The following BIN2 variants were observed in gnomAD, a reference collection of about 807,000 sequenced individuals.
The protein encoded by BIN2 is bridging integrator 2.
In BIN2, 43 loss-of-function variants were observed where a neutral mutation model predicts 67.9. That is an observed-to-expected ratio of 0.63 (90% CI 0.50 to 0.82). The LOEUF (loss-of-function observed/expected upper bound fraction) is 0.82. Among genes scored for constraint, BIN2 ranks in the 40% least tolerant of loss-of-function variants. BIN2 has a pLI of 0.00. For missense variants in BIN2, 581 were observed against 671.6 expected, an observed-to-expected ratio of 0.87 and a Z score of 1.49; for synonymous variants, 244 against 246.8, an observed-to-expected ratio of 0.99 and a Z score of 0.11.
At chr12:51,294,885 A>C (rs1467796578) in intron 9 of BIN2, among the ~76,000 whole-genome samples, 1 of 152,098 alleles carries the variant, frequency 6.6e-6, no homozygotes, top group Non-Finnish European at 1.5e-5. Flanking sequence ...GTACATGGCT[A>C]TTTGTTGTAT....
At chr12:51,298,159 G>A (rs941542181) in intron 7 of BIN2, among the ~76,000 whole-genome samples, 5 of 152,082 alleles carry the variant, frequency 3.3e-5, no homozygotes, top group African/African-American at 1.2e-4. Flanking sequence ...GGATCACAAG[G>A]TCAGGAGATT....
At chr12:51,282,117 C>T (rs1242228376) in intron 12 of BIN2, among the ~76,000 whole-genome samples, 1 of 152,154 alleles carries the variant, frequency 6.6e-6, no homozygotes, top group Non-Finnish European at 1.5e-5. Context: ...GAACCAATTT[C>T]ATGGTCATCC....
In BIN2 at chr12:51,295,576, A is replaced by AAG. The variant is rs1945531318; in HGVS notation, c.761+219_761+220insCT. Among the ~76,000 whole-genome samples, 4 of 18,404 alleles carry AAG rather than the reference A, an allele frequency of 2.2e-4. 1 individual carries two copies. The highest frequency in any genetic ancestry group is 8.9e-4 in the African/African-American group (4 of 4,472). The allele number at this position is 18,404 out of a possible 152,430, so 12.1% of individuals were successfully genotyped here. On this transcript the variant is annotated intron_variant, in intron 9 of 12. Transcript: ENST00000615107. The stretch of plus-strand genomic sequence containing the variant: ...AGACTCCGTCTCAAAAAAAAAAAAA[A>AAG]AATATATATATATATATATATATAT...
chr12:51,307,688 C>T (rs1006349321), intron 2 of BIN2, among the ~76,000 whole-genome samples: 4 of 150,070 alleles, frequency 2.7e-5, no homozygotes, highest in East Asian at 2.0e-4. Flanking sequence ...CCAACCTGGG[C>T]GACAAGAGAG....
chr12:51,288,112 G>A lies in BIN2; in HGVS notation c.1592C>T (p.Ser531Leu), dbSNP rs1376176341. Residue 531 changes from serine (S) to leucine (L), a missense_variant, in exon 11 of 13, where the codon TCG (serine) becomes TTG (leucine). Coordinates refer to ENST00000615107, the MANE Select transcript of BIN2 (RefSeq NM_016293.4). ...KDNKLISANS[S>L]EGQDQLQVSM... ...GATGACTTAGGCTTTTAGTACCTCCGAGGAGTTAGCTGAGATAAGCTTATT... is the reference window on the plus strand; with the variant it reads ...GATGACTTAGGCTTTTAGTACCTCCAAGGAGTTAGCTGAGATAAGCTTATT... The A allele has an allele frequency of 6.8e-6, 11 of 1,611,730 alleles. No homozygotes were observed. Among genetic ancestry groups the A allele is most frequent in the Non-Finnish European group, 9.3e-6 (11 of 1,177,942 alleles).
chr12:51,315,724 T>C (rs894294455), intron 1 of BIN2, among the ~76,000 whole-genome samples: 3 of 152,178 alleles, frequency 2.0e-5, no homozygotes, highest in African/African-American at 4.8e-5. Flanking sequence ...CCCGATATAA[T>C]GCATTTGAAA....
chr12:51,282,188 A>G (rs1945132717), intron 12 of BIN2, among the ~76,000 whole-genome samples: 1 of 152,130 alleles, frequency 6.6e-6, no homozygotes, highest in Non-Finnish European at 1.5e-5. Context: ...GCTCCATTTT[A>G]CATCACTATC....
At chr12:51,297,884 G>A (rs1421422793) in intron 7 of BIN2, among the ~76,000 whole-genome samples, 1 of 152,140 alleles carries the variant, frequency 6.6e-6, no homozygotes, top group Non-Finnish European at 1.5e-5. Flanking sequence ...TTCTGCGCCT[G>A]TATGTACATT....
rs377310382 is a variant in BIN2, at chr12:51,303,084, C to T, written c.217+3G>A. The T allele has an allele frequency of 6.2e-7, 1 of 1,614,080 alleles. No individual in the cohort carries two copies. Among genetic ancestry groups the T allele is most frequent in the African/African-American group, 1.3e-5 (1 of 75,044 alleles). On this transcript the variant is annotated splice_donor_region_variant and intron_variant, in intron 3 of 12. Transcript: ENST00000615107. Reference sequence around the variant, plus strand: ...CTGGATTCTCCCATGCTGCATTGCCCACCTTTGACTGCACTAAGGAAGTTC... The same window carrying T: ...CTGGATTCTCCCATGCTGCATTGCCTACCTTTGACTGCACTAAGGAAGTTC...
At chr12:51,294,810 T>A (rs1309494987) in intron 9 of BIN2, among the ~76,000 whole-genome samples, 1 of 151,772 alleles carries the variant, frequency 6.6e-6, no homozygotes, top group African/African-American at 2.4e-5. Flanking sequence ...AAAAAGTGAG[T>A]GGGGAAGGAA....
intron 11 of BIN2, among the ~76,000 whole-genome samples, chr12:51,287,077 C>T (rs1255596457): frequency 1.3e-5 from 2 of 151,818 alleles, no homozygotes; most frequent in Non-Finnish European, 2.9e-5. Flanking sequence ...CTGCCTCAGC[C>T]CCCAACAAAG....
intron 6 of BIN2, 67 bp downstream of exon 6, chr12:51,299,540 T>A: frequency 1.4e-6 from 2 of 1,480,062 alleles, no homozygotes; most frequent in Non-Finnish European, 1.9e-6. Context: ...CCCAGCCACC[T>A]GCTACCACCA....
intron 7 of BIN2, 98 bp downstream of exon 7, chr12:51,299,105 G>A: frequency 1.2e-6 from 1 of 865,642 alleles, no homozygotes; most frequent in Non-Finnish European, 1.8e-6. Context: ...GGGGCAGTGT[G>A]GGAATTTAAA....
Position 51,284,598 on chromosome 12 carries a change from G to A in BIN2, c.1668+118C>T, listed in dbSNP as rs919751739. On this transcript the variant is annotated intron_variant, in intron 12 of 12. Coordinates refer to ENST00000615107, the MANE Select transcript of BIN2 (RefSeq NM_016293.4). ...TCCTCTGATTCCCACCTGCTTGACT[G>A]CCCTAAGGGTATGGTTCACTGCCGG... 12 of 762,230 alleles carry A rather than the reference G, an allele frequency of 1.6e-5. No individual in the cohort carries two copies. The African/African-American group carries it at 2.1e-4, about 13-fold the overall frequency. The allele number at this position is 762,230 out of a possible 1,614,324, so 47.2% of individuals were successfully genotyped here. A position where few individuals can be genotyped will look rare whatever the true frequency, so the allele number is the denominator to read the frequency against.
intron 5 of BIN2, among the ~76,000 whole-genome samples, chr12:51,299,998 CG>C (rs1945680581): frequency 6.6e-6 from 1 of 152,106 alleles, no homozygotes; most frequent in African/African-American, 2.4e-5. Context: ...GCACCAAGCC[CG>C]GCTAATTTTT....
At chr12:51,302,876 C>G in intron 3 of BIN2, 96 bp from the exon 4 acceptor site, 20 of 1,242,138 alleles carry the variant, frequency 1.6e-5, no homozygotes, top group Non-Finnish European at 1.2e-6. Context: ...TTCAGAAGGA[C>G]AAACTCAGAA....
rs955887543 is a variant in BIN2 at position 51,281,316 on chromosome 12, C to G, written c.*183G>C. Reference sequence around the variant, plus strand: ...TGTTCTCTTCTCCCCAGCCTGCCTCCCTCCATCCCTCCCGTAAGGCTGCTC... The same window carrying G: ...TGTTCTCTTCTCCCCAGCCTGCCTCGCTCCATCCCTCCCGTAAGGCTGCTC... On this transcript the variant is annotated 3_prime_UTR_variant, in exon 13 of 13. Coordinates refer to ENST00000615107, the MANE Select transcript of BIN2 (RefSeq NM_016293.4). 1.6e-6 allele frequency: 1 copy of G among 623,898 alleles called. No individual in the cohort carries two copies. The highest frequency in any genetic ancestry group is 2.9e-6 in the Non-Finnish European group (1 of 343,660). The allele number at this position is 623,898 out of a possible 1,614,324, so 38.6% of individuals were successfully genotyped here.
At chr12:51,308,761 A>G (rs534635574) in intron 2 of BIN2, among the ~76,000 whole-genome samples, 1 of 152,314 alleles carries the variant, frequency 6.6e-6, no homozygotes, top group East Asian at 1.9e-4. Flanking sequence ...TTCCTATGTA[A>G]TACACTGAAG....
chr12:51,298,423 C>T (rs954276530), intron 7 of BIN2, among the ~76,000 whole-genome samples: 1 of 151,858 alleles, frequency 6.6e-6, no homozygotes, highest in Non-Finnish European at 1.5e-5. Context: ...TGTGGTGGCA[C>T]GTGCCTGTAG....
Sources: gnomAD v4.1 joint callset for allele counts (sites outside exome capture counted in the v4.1 genomes callset) on GRCh38, gnomAD v4.1.1 for gene constraint, MANE v1.5 for transcripts, NCBI Gene and HGNC (gene_info 2026-07-23, HGNC 2026-07-21) for gene names.